The following GRID1 variants were observed in gnomAD, a reference collection of about 807,000 sequenced individuals.
The protein encoded by GRID1 is glutamate receptor ionotropic, delta-1.
In GRID1, 28 loss-of-function variants were observed where a neutral mutation model predicts 98.0. That is an observed-to-expected ratio of 0.29 (90% CI 0.21 to 0.39). GRID1 has a LOEUF of 0.39. Ranked by LOEUF, GRID1 falls within the 10% of genes least tolerant of loss-of-function variation. The pLI, the probability that GRID1 is intolerant of heterozygous loss-of-function variation, is 1.00. For synonymous variants in GRID1, 553 were observed against 538.5 expected (o/e 1.03, Z -0.37); for missense variants, 1,111 against 1,340.5 (o/e 0.83, Z 2.67).
chr10:86,348,445 G>A (rs1046939934), intron 2 of GRID1, among the ~76,000 whole-genome samples: 1 of 152,236 alleles, frequency 6.6e-6, no homozygotes, highest in Non-Finnish European at 1.5e-5. Flanking sequence ...GGGTGGATGG[G>A]TGGAGGCAAC....
chr10:86,000,954 T>C (rs904534579), intron 4 of GRID1, among the ~76,000 whole-genome samples: 5 of 152,176 alleles, frequency 3.3e-5, no homozygotes, highest in Admixed American at 1.3e-4. Flanking sequence ...CACTTGTTCT[T>C]CAGCGGGTGA....
chr10:86,220,352 C>T (rs1024245478), intron 2 of GRID1, among the ~76,000 whole-genome samples: 3 of 152,172 alleles, frequency 2.0e-5, no homozygotes, highest in African/African-American at 7.2e-5. Flanking sequence ...CTGCTCTGCA[C>T]CTTACTGCTG....
chr10:85,673,071 C>T (rs1390287052), intron 12 of GRID1, among the ~76,000 whole-genome samples: 1 of 152,106 alleles, frequency 6.6e-6, no homozygotes, highest in Non-Finnish European at 1.5e-5. Flanking sequence ...GATTCCAACC[C>T]TGATGGATGA....
chr10:85,992,309 T>A (rs1026790942), intron 4 of GRID1, among the ~76,000 whole-genome samples: 1 of 152,160 alleles, frequency 6.6e-6, no homozygotes, highest in Non-Finnish European at 1.5e-5. Flanking sequence ...CACTCAGCAC[T>A]CAGGCACAGG....
intron 8 of GRID1, among the ~76,000 whole-genome samples, chr10:85,832,813 C>T (rs551934575): frequency 6.6e-6 from 1 of 152,170 alleles, no homozygotes; most frequent in African/African-American, 2.4e-5. Context: ...ATTCTTCTCC[C>T]AGCCAGACCA....
At position 85,696,537 on chromosome 10, in the gene GRID1, C is replaced by T. The variant is rs1841395710; in HGVS notation, c.1997+26466G>A. On this transcript the variant is annotated intron_variant, in intron 12 of 15. Coordinates refer to ENST00000327946, the MANE Select transcript of GRID1 (RefSeq NM_017551.3). ...TAAATACACCTAGACAGAGACAGCGCATGCCGAATTTCCATTTTCTCTTAT... is the reference window on the plus strand; with the variant it reads ...TAAATACACCTAGACAGAGACAGCGTATGCCGAATTTCCATTTTCTCTTAT... Among the ~76,000 whole-genome samples the T allele has an allele frequency of 2.0e-5, 3 of 152,172 alleles. No homozygotes were observed. In the South Asian group the frequency reaches 6.2e-4, roughly 32 times the overall value.
intron 4 of GRID1, among the ~76,000 whole-genome samples, chr10:86,009,016 G>T (rs73342121): frequency 6.6e-6 from 1 of 151,966 alleles, no homozygotes; most frequent in South Asian, 2.1e-4. Context: ...TCACAACAGC[G>T]TCCTATTGTA....
In GRID1 at chr10:86,154,148, C is replaced by T. The variant is rs190321062; in HGVS notation, c.521-15124G>A. Among the ~76,000 whole-genome samples, 2 of 152,238 alleles carry T rather than the reference C, an allele frequency of 1.3e-5. 1 individual carries two copies. Among genetic ancestry groups the T allele is most frequent in the Admixed American group, 1.3e-4 (2 of 15,298 alleles). ...GGGCTGCAACCATGGGAAATACCTG[C>T]CCAGACCAACACTGTCCCCTCTCCT... On this transcript the variant is annotated intron_variant, in intron 3 of 15. Coordinates refer to ENST00000327946, the MANE Select transcript of GRID1 (RefSeq NM_017551.3).
intron 2 of GRID1, among the ~76,000 whole-genome samples, chr10:86,214,568 G>GCA (rs1159961065): frequency 1.3e-5 from 2 of 152,262 alleles, no homozygotes; most frequent in East Asian, 3.9e-4. Context: ...GCACAGCACA[G>GCA]CAGAGCAAGA....
intron 4 of GRID1, among the ~76,000 whole-genome samples, chr10:86,121,521 C>CATT (rs1554854107): frequency 1.2e-3 from 7 of 5,674 alleles, no homozygotes; most frequent in African/African-American, 1.9e-3. Flanking sequence ...TCATCACTAC[C>CATT]ATCATCACCA....
At chr10:85,879,053 T>C (rs1281022688) in intron 5 of GRID1, among the ~76,000 whole-genome samples, 1 of 151,874 alleles carries the variant, frequency 6.6e-6, no homozygotes, top group Non-Finnish European at 1.5e-5. Flanking sequence ...AAGGGATCAA[T>C]TCAACAAGAA....
chr10:86,359,212 G>A (rs957663756), intron 2 of GRID1, among the ~76,000 whole-genome samples: 13 of 152,164 alleles, frequency 8.5e-5, no homozygotes, highest in South Asian at 2.1e-4. Flanking sequence ...AGGAAGACAC[G>A]GACATCACAC....
At chr10:85,750,958 T>C (rs1394861831) in intron 8 of GRID1, among the ~76,000 whole-genome samples, 2 of 152,192 alleles carry the variant, frequency 1.3e-5, no homozygotes, top group Non-Finnish European at 2.9e-5. Context: ...TTAGAAAATA[T>C]TATGACCCAC....
At chr10:85,850,130 G>A (rs1843044350) in intron 8 of GRID1, among the ~76,000 whole-genome samples, 1 of 152,146 alleles carries the variant, frequency 6.6e-6, no homozygotes, top group South Asian at 2.1e-4. Flanking sequence ...CGGAAAATGA[G>A]GTTCAAAGGG....
At chr10:86,246,600 C>T (rs1017671526) in intron 2 of GRID1, among the ~76,000 whole-genome samples, 12 of 152,216 alleles carry the variant, frequency 7.9e-5, no homozygotes, top group Admixed American at 7.8e-4. Context: ...CCCGGGCCTC[C>T]TCAAAGCCCC....
chr10:86,170,931 C>G (rs1004053100), intron 3 of GRID1, among the ~76,000 whole-genome samples: 10 of 152,016 alleles, frequency 6.6e-5, no homozygotes, highest in African/African-American at 2.4e-4. Context: ...ACGTTTACCC[C>G]CCACGCTTCC....
intron 3 of GRID1, among the ~76,000 whole-genome samples, chr10:86,191,093 A>C (rs1404778153): frequency 6.6e-6 from 1 of 152,188 alleles, no homozygotes; most frequent in African/African-American, 2.4e-5. Flanking sequence ...CAGGCCTGTT[A>C]CATGCATTTG....
intron 2 of GRID1, among the ~76,000 whole-genome samples, chr10:86,239,007 A>G (rs1364547956): frequency 1.3e-5 from 2 of 152,162 alleles, no homozygotes; most frequent in Admixed American, 1.3e-4. Context: ...TCCAGACCCC[A>G]GAATGGTAGA....
intron 3 of GRID1, among the ~76,000 whole-genome samples, chr10:86,178,500 C>G (rs1299700320): frequency 1.3e-5 from 2 of 152,150 alleles, no homozygotes; most frequent in African/African-American, 4.8e-5. Flanking sequence ...CAGGTTCAAG[C>G]TCATAGGCCA....
Sources: gnomAD v4.1 joint callset for allele counts (sites outside exome capture counted in the v4.1 genomes callset) on GRCh38, gnomAD v4.1.1 for gene constraint, MANE v1.5 for transcripts, NCBI Gene and HGNC (gene_info 2026-07-23, HGNC 2026-07-21) for gene names.